The following ITIH3 variants were observed in gnomAD, a reference collection of about 807,000 sequenced individuals.
ITIH3 encodes inter-alpha-trypsin inhibitor heavy chain 3, also known as inter-alpha-trypsin inhibitor heavy chain H3.
Under a neutral mutation model 96.5 loss-of-function variants are expected in ITIH3, and 81 were observed. The observed-to-expected ratio is 0.84, with a 90% CI of 0.70 to 1.01. The LOEUF (loss-of-function observed/expected upper bound fraction) is 1.01. Among genes scored for constraint, ITIH3 ranks in the 50% least tolerant of loss-of-function variants. The pLI, the probability that ITIH3 is intolerant of heterozygous loss-of-function variation, is 0.00. For synonymous variants in ITIH3, 422 were observed against 445.2 expected, an observed-to-expected ratio of 0.95 and a Z score of 0.66; for missense variants, 1,057 against 1,139.3, an observed-to-expected ratio of 0.93 and a Z score of 1.04.
At chr3:52,800,055 T>C in intron 9 of ITIH3, 134 bp downstream of exon 9, 1 of 771,168 alleles carries the variant, frequency 1.3e-6, no homozygotes, top group Admixed American at 2.9e-5. Context: ...GAGGTGGGAG[T>C]GGATGGTCCT....
chr3:52,806,107 C>T lies in ITIH3; in HGVS notation c.1911C>T (p.Ser637=). 2 of 1,600,882 alleles carry T rather than the reference C, an allele frequency of 1.2e-6. No homozygotes were observed. Among genetic ancestry groups the T allele is most frequent in the South Asian group, 2.3e-5 (2 of 88,644 alleles). ...PVSPAMSYLT[S]YQPPQNPYYY... ...TCTCTCCCTTTGTATCTGCAGCCAG[C>T]TACCAGCCTCCTCAAAACCCCTACT... Residue 637 remains serine, a synonymous_variant, in exon 17 of 22, where the codon AGC becomes AGT. Transcript: ENST00000449956.
At chr3:52,797,706 G>A in intron 5 of ITIH3, 111 bp from the exon 6 acceptor site, 1 of 698,424 alleles carries the variant, frequency 1.4e-6, no homozygotes, top group East Asian at 2.7e-5. Context: ...CCTCAGCACT[G>A]TCCTAGAGGG....
intron 21 of ITIH3, 40 bp downstream of exon 21, chr3:52,808,261 G>C: frequency 6.5e-7 from 1 of 1,529,566 alleles, no homozygotes; most frequent in South Asian, 1.1e-5. Context: ...GCTCAGCAAC[G>C]AGAGGAGGAA....
chr3:52,806,107 C>A lies in ITIH3; in HGVS notation c.1911C>A (p.Ser637Arg), dbSNP rs1417954670. ...PVSPAMSYLTSYQPPQNPYYY... is the reference protein window; with the variant it reads ...PVSPAMSYLTRYQPPQNPYYY... ...TCTCTCCCTTTGTATCTGCAGCCAG[C>A]TACCAGCCTCCTCAAAACCCCTACT... Residue 637 changes from serine (S) to arginine (R), a missense_variant, in exon 17 of 22, where the codon AGC becomes AGA. Transcript: ENST00000449956. 6.2e-7 allele frequency: 1 copy of A among 1,600,880 alleles called. No homozygotes were observed. The highest frequency in any genetic ancestry group is 8.5e-7 in the Non-Finnish European group (1 of 1,173,592).
rs758400120 is a variant in ITIH3 at position 52,803,854 on chromosome 3, G to A, written c.1710-1G>A. On this transcript the variant is annotated splice_acceptor_variant, in intron 13 of 21. Coordinates refer to ENST00000449956, the MANE Select transcript of ITIH3 (RefSeq NM_002217.4). LOFTEE classifies it high-confidence loss of function. ...TCCTCCTGACTGGCCCCTCCTCACA[G>A]CAAGAACGCCCATGGCGAGGAGAAG... 2.5e-6 allele frequency: 4 copies of A among 1,613,904 alleles called. No homozygotes were observed. The highest frequency in any genetic ancestry group is 3.4e-6 in the Non-Finnish European group (4 of 1,179,860).
chr3:52,796,722 ACT>A lies in ITIH3; in HGVS notation c.282-12_282-11del. 6.2e-7 allele frequency: 1 copy of A among 1,608,010 alleles called. No homozygotes were observed. The highest frequency in any genetic ancestry group is 1.3e-5 in the African/African-American group (1 of 74,790). Reference sequence around the variant, plus strand: ...GCCCAGTGTGATCTCCCTACCCCCAACTCTCTTTCCCTGCAGGACCATCGACG... The same window carrying A: ...GCCCAGTGTGATCTCCCTACCCCCAACTCTTTCCCTGCAGGACCATCGACG... On this transcript the variant is annotated splice_polypyrimidine_tract_variant and intron_variant, in intron 3 of 21. Transcript: ENST00000449956.
In ITIH3 at chr3:52,808,617, A is replaced by T. The variant is rs755152291; in HGVS notation, c.2609A>T (p.His870Leu). ...IGTKVVCWFV[H>L]NNGEGLIDGV... ...ACGAAGGTTGTCTGCTGGTTCGTCCACAACAACGGAGAAGGGCTGATTGAT... is the reference window on the plus strand; with the variant it reads ...ACGAAGGTTGTCTGCTGGTTCGTCCTCAACAACGGAGAAGGGCTGATTGAT... The change falls in exon 22 of 22, where the codon CAC becomes CTC. Residue 870 changes from histidine (H) to leucine (L), a missense_variant. Coordinates refer to ENST00000449956, the MANE Select transcript of ITIH3 (RefSeq NM_002217.4). 1 of 1,614,050 alleles carries T rather than the reference A, an allele frequency of 6.2e-7. No homozygotes were observed. The highest frequency in any genetic ancestry group is 1.1e-5 in the South Asian group (1 of 91,084).
intron 9 of ITIH3, 67 bp from the exon 10 acceptor site, chr3:52,800,471 C>T (rs549183408): frequency 1.3e-6 from 2 of 1,542,156 alleles, no homozygotes; most frequent in East Asian, 2.4e-5. Context: ...GCCTCCTCCG[C>T]TCCAGCCTGT....
chr3:52,799,993 C>A, intron 9 of ITIH3, 72 bp downstream of exon 9: 1 of 1,452,036 alleles, frequency 6.9e-7, no homozygotes, highest in Non-Finnish European at 9.4e-7. Context: ...CTGCAACCCC[C>A]CTCTTAGGGA....
intron 17 of ITIH3, 30 bp from the exon 18 acceptor site, chr3:52,806,263 G>A (rs1264685874): frequency 1.2e-6 from 2 of 1,607,514 alleles, no homozygotes; most frequent in Non-Finnish European, 1.7e-6. Flanking sequence ...GAGGCCCCGG[G>A]AGTCAGCTCC....
At position 52,799,614 on chromosome 3, in the gene ITIH3, T is replaced by A. The variant is rs537973633; in HGVS notation, c.906+126T>A. ...GAAAGGGGACAGGATAAGAGAAGGCTCACGGCCTCTGCCCGCTTCTGTGGC... is the reference window on the plus strand; with the variant it reads ...GAAAGGGGACAGGATAAGAGAAGGCACACGGCCTCTGCCCGCTTCTGTGGC... On this transcript the variant is annotated intron_variant, in intron 8 of 21. Transcript: ENST00000449956. 7.7e-5 allele frequency: 84 copies of A among 1,087,338 alleles called. No individual in the cohort carries two copies. In the African/African-American group the frequency reaches 1.2e-3, roughly 16 times the overall value. The allele number at this position is 1,087,338 out of a possible 1,614,324, so 67.4% of individuals were successfully genotyped here. A position where few individuals can be genotyped will look rare whatever the true frequency, so the allele number is the denominator to read the frequency against.
At chr3:52,797,694 G>C (rs1039332822) in intron 5 of ITIH3, 123 bp from the exon 6 acceptor site, 2 of 630,866 alleles carry the variant, frequency 3.2e-6, no homozygotes, top group African/African-American at 1.8e-5. Context: ...ACCAGGCTTG[G>C]CCCTCAGCAC....
In ITIH3 at chr3:52,804,021, G is replaced by T. The variant is rs753924887; in HGVS notation, c.1864+12G>T. ...CAAGCCTGGGGAAGGTGGGGATAGG[G>T]ATGGAGGCCGGAACCCGGAGGCCTC... On this transcript the variant is annotated intron_variant, in intron 14 of 21. Transcript: ENST00000449956. The T allele has an allele frequency of 6.2e-6, 10 of 1,610,022 alleles. No homozygotes were observed. Among genetic ancestry groups the T allele is most frequent in the Non-Finnish European group, 8.5e-6 (10 of 1,178,208 alleles).
At chr3:52,802,588 T>C in intron 12 of ITIH3, 69 bp downstream of exon 12, 3 of 1,611,220 alleles carry the variant, frequency 1.9e-6, no homozygotes, top group Non-Finnish European at 2.5e-6. Context: ...TCTGGCCTCA[T>C]GAGGGTCCAG....
chr3:52,799,806 G>C lies in ITIH3; in HGVS notation c.960G>C (p.Leu320=), dbSNP rs775501840. 1 of 1,613,788 alleles carries C rather than the reference G, an allele frequency of 6.2e-7. No individual in the cohort carries two copies. Among genetic ancestry groups the C allele is most frequent in the South Asian group, 1.1e-5 (1 of 91,050 alleles). ...ILEDMQEEDY[L]NFILFSGDVS... Reference sequence around the variant, plus strand: ...AAGATATGCAAGAGGAAGACTATCTGAATTTCATCCTGTTCAGTGGAGATG... The same window carrying C: ...AAGATATGCAAGAGGAAGACTATCTCAATTTCATCCTGTTCAGTGGAGATG... The change falls in exon 9 of 22, where the codon CTG becomes CTC. Residue 320 remains leucine, a synonymous_variant. Transcript: ENST00000449956.
intron 21 of ITIH3, 138 bp from the exon 22 acceptor site, chr3:52,808,414 C>T (rs1178381411): frequency 2.4e-5 from 31 of 1,297,598 alleles, no homozygotes; most frequent in Non-Finnish European, 1.5e-5. Flanking sequence ...AAAGAGTAAT[C>T]ATGTAACTTC....
chr3:52,802,050 TTAAA>T, intron 11 of ITIH3, among the ~76,000 whole-genome samples: 1 of 152,218 alleles, frequency 6.6e-6, no homozygotes, highest in Non-Finnish European at 1.5e-5. Flanking sequence ...CAGACATTCC[TTAAA>T]TACTTTCTTT....
In ITIH3 at chr3:52,807,744, T is replaced by C. The variant is rs1317851869; in HGVS notation, c.2262-3T>C. 1.2e-6 allele frequency: 2 copies of C among 1,608,536 alleles called. No homozygotes were observed. The highest frequency in any genetic ancestry group is 2.2e-5 in the South Asian group (2 of 89,668). The stretch of plus-strand genomic sequence containing the variant: ...ACAGCCACTTTCTGGCTTCCTCTCG[T>C]AGGCTGTCCATGATGATCAACAGGA... On this transcript the variant is annotated splice_region_variant and splice_polypyrimidine_tract_variant and intron_variant, in intron 19 of 21. Transcript: ENST00000449956.
intron 10 of ITIH3, 40 bp downstream of exon 10, chr3:52,800,703 G>T: frequency 6.3e-7 from 1 of 1,588,372 alleles, no homozygotes; most frequent in Non-Finnish European, 8.6e-7. Flanking sequence ...GGGCTGGAGT[G>T]CTTGGCTGCT....
Sources: allele counts gnomAD v4.1 joint callset (sites outside exome capture counted in the v4.1 genomes callset), GRCh38; gene constraint gnomAD v4.1.1; transcripts MANE v1.5; gene names NCBI Gene and HGNC (gene_info 2026-07-23, HGNC 2026-07-21).